FHL2: variants seen among roughly 807,000 people sequenced by gnomAD.
FHL2 encodes the protein four and a half LIM domains protein 2.
In FHL2, 20 loss-of-function variants were observed where a neutral mutation model predicts 32.7. The observed-to-expected ratio is 0.61, with a 90% CI of 0.43 to 0.89. The LOEUF (loss-of-function observed/expected upper bound fraction) is 0.89, where lower values mean the gene tolerates loss of function less well. FHL2 is among the 40% of genes least tolerant of loss of function. The pLI, the probability that FHL2 is intolerant of heterozygous loss-of-function variation, is 0.00. For missense variants in FHL2, 311 were observed against 358.6 expected, an observed-to-expected ratio of 0.87 and a Z score of 1.07; for synonymous variants, 123 against 128.1, an observed-to-expected ratio of 0.96 and a Z score of 0.27.
intron 1 of FHL2, among the ~76,000 whole-genome samples, chr2:105,437,094 C>T (rs1360600336): frequency 1.3e-5 from 2 of 152,170 alleles, no homozygotes; most frequent in Non-Finnish European, 2.9e-5. Context: ...AAGTACGAAA[C>T]CTGCTGAAAG....
intron 1 of FHL2, among the ~76,000 whole-genome samples, chr2:105,413,962 G>T (rs141209567): frequency 1.1e-4 from 16 of 152,262 alleles, no homozygotes; most frequent in African/African-American, 3.9e-4. Flanking sequence ...CAGGATGAGG[G>T]CTCAGTCCCA....
intron 1 of FHL2, among the ~76,000 whole-genome samples, chr2:105,423,171 C>T (rs1684157013): frequency 6.6e-6 from 1 of 152,178 alleles, no homozygotes; most frequent in Non-Finnish European, 1.5e-5. Flanking sequence ...AGAATGGAGG[C>T]TGTCAGTGAT....
chr2:105,401,891 AG>A (rs910859384), upstream of FHL2, among the ~76,000 whole-genome samples: 8 of 151,970 alleles, frequency 5.3e-5, no homozygotes, highest in African/African-American at 1.9e-4. Flanking sequence ...CTGAGTGGCT[AG>A]GGGTCATGGG....
intron 1 of FHL2, among the ~76,000 whole-genome samples, chr2:105,430,405 G>A (rs546391023): frequency 3.3e-5 from 5 of 152,172 alleles, no homozygotes; most frequent in Admixed American, 6.5e-5. Context: ...GGTGGCTCAC[G>A]CCTGTAATCC....
chr2:105,366,207 C>T (rs541445967), intron 5 of FHL2, among the ~76,000 whole-genome samples: 1 of 150,396 alleles, frequency 6.6e-6, no homozygotes, highest in South Asian at 2.1e-4. Context: ...GAGATTCTGT[C>T]TCAAAAAAAG....
At chr2:105,400,957 C>A (rs1683444829), upstream of FHL2, among the ~76,000 whole-genome samples, 1 of 151,584 alleles carries the variant, frequency 6.6e-6, no homozygotes, top group African/African-American at 2.4e-5. Flanking sequence ...ACAAACATAC[C>A]CAGTTTCTAC....
chr2:105,390,280 G>C (rs1384340969), intron 2 of FHL2: 2 of 153,016 alleles, frequency 1.3e-5, no homozygotes, highest in African/African-American at 4.8e-5. Flanking sequence ...AATAAGTAGG[G>C]CTCCACATTT....
At chr2:105,363,856 C>T (rs1194742201) in intron 5 of FHL2, among the ~76,000 whole-genome samples, 1 of 152,198 alleles carries the variant, frequency 6.6e-6, no homozygotes, top group Non-Finnish European at 1.5e-5. Flanking sequence ...TACTCCTTAC[C>T]AGCCCTGTGG....
chr2:105,371,546 A>ATCTTTC (rs1681063713), intron 4 of FHL2, among the ~76,000 whole-genome samples: 1 of 140,970 alleles, frequency 7.1e-6, no homozygotes, highest in Non-Finnish European at 1.5e-5. Context: ...ATCCCTTGAA[A>ATCTTTC]TCTCTCTCTC....
At chr2:105,411,543 T>G (rs868309015) in intron 1 of FHL2, among the ~76,000 whole-genome samples, 304 of 134,018 alleles carry the variant, frequency 2.3e-3, no homozygotes, top group Non-Finnish European at 3.1e-3. Flanking sequence ...TTAGGGTTTT[T>G]TTTTTTTTTT....
At chr2:105,373,848 C>T in intron 3 of FHL2, 115 bp from the exon 4 acceptor site, 1 of 851,428 alleles carries the variant, frequency 1.2e-6, no homozygotes, top group Non-Finnish European at 1.9e-6. Context: ...TGGGCCGAGG[C>T]ACCCTGGCGC....
chr2:105,422,775 C>T (rs571869022), intron 1 of FHL2, among the ~76,000 whole-genome samples: 22 of 151,794 alleles, frequency 1.4e-4, no homozygotes, highest in Admixed American at 4.6e-4. Flanking sequence ...CAATTGATTA[C>T]TTGATTGAGA....
Position 105,360,980 on chromosome 2 carries a change from CAGTG to C in FHL2, c.*299_*302del, listed in dbSNP as rs1337671446. 8.6e-5 allele frequency: 21 copies of C among 243,552 alleles called. No individual in the cohort carries two copies. Among genetic ancestry groups the C allele is most frequent in the East Asian group, 3.4e-4 (4 of 11,858 alleles). 15.1% of individuals were successfully genotyped at this position (243,552 alleles called of 1,614,324 possible). A position where few individuals can be genotyped will look rare whatever the true frequency, so the allele number is the denominator to read the frequency against. On this transcript the variant is annotated 3_prime_UTR_variant, in exon 7 of 7. Coordinates refer to ENST00000530340, the MANE Select transcript of FHL2 (RefSeq NM_001318895.3). ...CATATGTTAATTGCACTTAAATAGA[CAGTG>C]AGAGAAAGATTTATAAAGGCATCAT...
chr2:105,366,296 G>A (rs2576778), intron 5 of FHL2, among the ~76,000 whole-genome samples: 24,907 of 152,250 alleles, frequency 0.16, 2,273 homozygotes, highest in South Asian at 0.22. Flanking sequence ...TGTGGGCAAG[G>A]TGGGGATATT....
At chr2:105,402,351 A>G (rs1260364622), upstream of FHL2, among the ~76,000 whole-genome samples, 4 of 151,960 alleles carry the variant, frequency 2.6e-5, no homozygotes, top group East Asian at 7.7e-4. Flanking sequence ...GGTGCAAGCG[A>G]TTCTCCTGCC....
At chr2:105,364,171 G>A (rs374246409) in intron 5 of FHL2, among the ~76,000 whole-genome samples, 5 of 152,218 alleles carry the variant, frequency 3.3e-5, no homozygotes, top group African/African-American at 9.6e-5. Flanking sequence ...CAGGAGAATC[G>A]CTTGAACCCT....
At chr2:105,426,445 C>T (rs10194273) in intron 1 of FHL2, among the ~76,000 whole-genome samples, 119,923 of 152,182 alleles carry the variant, frequency 0.79, 47,327 homozygotes, top group East Asian at 0.87. Context: ...CATGGTCTAT[C>T]AAAATACCTT....
chr2:105,397,859 T>G (rs1485823483), intron 1 of FHL2, among the ~76,000 whole-genome samples: 2 of 143,004 alleles, frequency 1.4e-5, no homozygotes, highest in East Asian at 4.2e-4. Flanking sequence ...TAAGACTTGA[T>G]GCAAATGGTT....
intron 3 of FHL2, among the ~76,000 whole-genome samples, chr2:105,377,492 G>A (rs4851761): frequency 0.46 from 70,306 of 151,766 alleles, 17,169 homozygotes; most frequent in African/African-American, 0.62. Context: ...TTAGCCAGGC[G>A]TGGTGGTGCA....
Sources: gnomAD v4.1 joint callset for allele counts (sites outside exome capture counted in the v4.1 genomes callset) on GRCh38, gnomAD v4.1.1 for gene constraint, MANE v1.5 for transcripts, NCBI Gene and HGNC (gene_info 2026-07-23, HGNC 2026-07-21) for gene names.